MAPK6: variants seen among roughly 807,000 people sequenced by gnomAD.
The protein encoded by MAPK6 is ERK-3.
In MAPK6, 19 loss-of-function variants were observed where a neutral mutation model predicts 59.3. The observed-to-expected ratio is 0.32, with a 90% CI of 0.22 to 0.47. The LOEUF is 0.47. Among genes scored for constraint, MAPK6 ranks in the 20% least tolerant of loss-of-function variants. The pLI, the probability that MAPK6 is intolerant of heterozygous loss-of-function variation, is 1.00. For missense variants in MAPK6, 724 were observed against 847.9 expected (o/e 0.85, Z 1.81); for synonymous variants, 316 against 290.3 (o/e 1.09, Z -0.90).
intron 2 of MAPK6, among the ~76,000 whole-genome samples, chr15:51,999,616 T>C (rs925745384): frequency 2.4e-4 from 37 of 152,124 alleles, no homozygotes. Flanking sequence ...TTCCTTTTTA[T>C]TTTAGTTTCC....
chr15:52,020,958 T>A (rs919447875), intron 1 of MAPK6, among the ~76,000 whole-genome samples: 3 of 152,160 alleles, frequency 2.0e-5, no homozygotes, highest in Non-Finnish European at 4.4e-5. Flanking sequence ...ATCACCTAGG[T>A]ATTACTGTTG....
chr15:52,052,477 A>C (rs924011194), intron 3 of MAPK6, among the ~76,000 whole-genome samples: 1 of 152,244 alleles, frequency 6.6e-6, no homozygotes. Context: ...GTATATTTAC[A>C]GAGTTGTGTA....
chr15:51,990,239 A>G (rs2246726), intron 2 of MAPK6, among the ~76,000 whole-genome samples: 14,328 of 152,218 alleles, frequency 0.094, 1,901 homozygotes, highest in African/African-American at 0.29. Context: ...AAGAGTTAAT[A>G]GGGAAAAAAA....
chr15:51,989,729 A>T (rs2057202233), intron 2 of MAPK6, among the ~76,000 whole-genome samples: 1 of 152,060 alleles, frequency 6.6e-6, no homozygotes, highest in Non-Finnish European at 1.5e-5. Flanking sequence ...TCTCCCAACT[A>T]GCTAGGACTA....
chr15:52,046,166 C>T lies in MAPK6; in HGVS notation c.-295C>T, dbSNP rs765556423. On this transcript the variant is annotated 5_prime_UTR_variant, in exon 2 of 6. Transcript: ENST00000261845. Reference sequence around the variant, plus strand: ...GAGTGCACAGTATGTCATTTCATTCCGTTTGAGTTTCTTGTTTTCGTTAAA... The same window carrying T: ...GAGTGCACAGTATGTCATTTCATTCTGTTTGAGTTTCTTGTTTTCGTTAAA... 3.2e-5 allele frequency: 9 copies of T among 281,144 alleles called. No individual in the cohort carries two copies. Among genetic ancestry groups the T allele is most frequent in the Non-Finnish European group, 3.4e-5 (5 of 149,040 alleles). 17.4% of individuals were successfully genotyped at this position (281,144 alleles called of 1,614,324 possible). A position where few individuals can be genotyped will look rare whatever the true frequency, so the allele number is the denominator to read the frequency against.
intron 5 of MAPK6, among the ~76,000 whole-genome samples, chr15:52,062,652 C>T (rs1302111984): frequency 6.6e-6 from 1 of 152,100 alleles, no homozygotes; most frequent in African/African-American, 2.4e-5. Context: ...GTAGTCCCAG[C>T]TACTCAGGAG....
chr15:52,048,095 A>C (rs1244092543), intron 2 of MAPK6, among the ~76,000 whole-genome samples: 3 of 152,176 alleles, frequency 2.0e-5, no homozygotes, highest in Admixed American at 2.0e-4. Flanking sequence ...TCCACAGTAC[A>C]TGCCTAAGAC....
chr15:52,063,305 C>T (rs1212956430), intron 5 of MAPK6, among the ~76,000 whole-genome samples: 1 of 152,224 alleles, frequency 6.6e-6, no homozygotes, highest in Non-Finnish European at 1.5e-5. Flanking sequence ...TCAAGTGATC[C>T]ATCCACCTTG....
At chr15:52,012,431 T>C (rs545132428) in intron 3 of MAPK6, among the ~76,000 whole-genome samples, 1 of 152,298 alleles carries the variant, frequency 6.6e-6, no homozygotes, top group South Asian at 2.1e-4. Context: ...TCTATTTTGT[T>C]ACGTTTTTTT....
intron 3 of MAPK6, among the ~76,000 whole-genome samples, chr15:52,011,988 C>T (rs1429413209): frequency 2.0e-5 from 3 of 152,188 alleles, no homozygotes; most frequent in Non-Finnish European, 4.4e-5. Flanking sequence ...TGACAGGTGG[C>T]CATTGTTTTC....
chr15:52,041,547 A>G (rs10851506), intron 1 of MAPK6, among the ~76,000 whole-genome samples: 112,672 of 152,116 alleles, frequency 0.74, 44,465 homozygotes, highest in Non-Finnish European at 0.89. Context: ...GATAATGGCA[A>G]TTAATAGTAC....
At chr15:52,061,549 G>A in intron 5 of MAPK6, 49 bp downstream of exon 5, 1 of 1,365,364 alleles carries the variant, frequency 7.3e-7, no homozygotes, top group Non-Finnish European at 1.0e-6. Flanking sequence ...ACTTTCAGTG[G>A]ACCATATGTA....
intron 3 of MAPK6, among the ~76,000 whole-genome samples, chr15:52,006,162 A>G (rs1182961571): frequency 6.6e-6 from 1 of 152,186 alleles, no homozygotes; most frequent in Non-Finnish European, 1.5e-5. Context: ...GTTATTGTTG[A>G]CTGTTTCCTA....
In MAPK6 at chr15:51,973,165, A is replaced by G. The variant is rs541910870; in HGVS notation, c.-880+1259A>G. Among the ~76,000 whole-genome samples, 10 of 152,004 alleles carry G rather than the reference A, an allele frequency of 6.6e-5. No individual in the cohort carries two copies. The South Asian group carries it at 8.3e-4, about 13-fold the overall frequency. On this transcript the variant is annotated intron_variant, in intron 1 of 7. Coordinates refer to the MAPK6 transcript ENST00000691380. Reference sequence around the variant, plus strand: ...AAACTTCAGTGCTTAACAGGGTCCAAATGGGTGGGACTGGGTATGTAATCA... The same window carrying G: ...AAACTTCAGTGCTTAACAGGGTCCAGATGGGTGGGACTGGGTATGTAATCA...
chr15:52,047,214 T>C (rs1268998176), intron 2 of MAPK6, among the ~76,000 whole-genome samples, 199 bp downstream of exon 2: 1 of 152,166 alleles, frequency 6.6e-6, no homozygotes, highest in Non-Finnish European at 1.5e-5. Flanking sequence ...TAAAAATACA[T>C]GGTTATTATA....
At chr15:52,000,811 A>T (rs1284008247) in intron 2 of MAPK6, among the ~76,000 whole-genome samples, 1 of 152,098 alleles carries the variant, frequency 6.6e-6, no homozygotes, top group Non-Finnish European at 1.5e-5. Flanking sequence ...AAAAAAAAAA[A>T]AATTCAATAG....
intron 2 of MAPK6, among the ~76,000 whole-genome samples, chr15:51,994,083 C>T (rs2057217797): frequency 6.6e-6 from 1 of 152,158 alleles, no homozygotes. Context: ...GCCTCAGCCT[C>T]CCGAATAGCT....
intron 1 of MAPK6, among the ~76,000 whole-genome samples, chr15:51,975,441 T>C (rs2057154588): frequency 6.6e-6 from 1 of 151,324 alleles, no homozygotes; most frequent in South Asian, 2.1e-4. Flanking sequence ...CTCAGGAGGC[T>C]GAGGCAGGAG....
rs560495258 is a variant in MAPK6, at chr15:52,032,991, T to TTTTTA, written c.-631-12838_-631-12834dup. Reference sequence around the variant, plus strand: ...TGAGCCACCGCGCCCGGCCTCCTTTTTTTTAATGGAGACAGGGTCTCACTA... The same window carrying TTTTTA: ...TGAGCCACCGCGCCCGGCCTCCTTTTTTTTATTTTAATGGAGACAGGGTCTCACTA... On this transcript the variant is annotated intron_variant, in intron 1 of 5. Coordinates refer to ENST00000261845, the MANE Select transcript of MAPK6 (RefSeq NM_002748.4). Among the ~76,000 whole-genome samples the TTTTTA allele has an allele frequency of 2.5e-3, 376 of 152,316 alleles. 7 individuals carry two copies. Among genetic ancestry groups the TTTTTA allele is most frequent in the Admixed American group, 0.018 (282 of 15,298 alleles).
Sources: gnomAD v4.1 joint callset for allele counts (sites outside exome capture counted in the v4.1 genomes callset) on GRCh38, gnomAD v4.1.1 for gene constraint, MANE v1.5 for transcripts, NCBI Gene and HGNC (gene_info 2026-07-23, HGNC 2026-07-21) for gene names.